The following TEAD3 variants were observed in gnomAD, a reference collection of about 807,000 sequenced individuals.
TEAD3 encodes transcriptional enhancer factor TEF-5.
TEAD3 carries 15 observed loss-of-function variants against 55.6 expected under a neutral mutation model. That is an observed-to-expected ratio of 0.27 (90% CI 0.18 to 0.42). The LOEUF is 0.42. Among genes scored for constraint, TEAD3 ranks in the 10% least tolerant of loss-of-function variants. The pLI, the probability that TEAD3 is intolerant of heterozygous loss-of-function variation, is 1.00. For synonymous variants in TEAD3, 210 were observed against 232.2 expected, an observed-to-expected ratio of 0.90 and a Z score of 0.87; for missense variants, 407 against 576.8, an observed-to-expected ratio of 0.71 and a Z score of 3.01.
chr6:35,489,743 TATAA>T (rs1041823881), intron 1 of TEAD3, among the ~76,000 whole-genome samples: 2 of 151,850 alleles, frequency 1.3e-5, no homozygotes, highest in Admixed American at 6.6e-5. Context: ...ACAAAATAAA[TATAA>T]ATAAATAAAT....
At chr6:35,480,481 G>A (rs1768245649) in intron 3 of TEAD3, 107 bp from the exon 4 acceptor site, 2 of 1,152,086 alleles carry the variant, frequency 1.7e-6, no homozygotes, top group South Asian at 2.7e-5. Context: ...CATCTCTAGG[G>A]AACTACATGT....
intron 1 of TEAD3, among the ~76,000 whole-genome samples, chr6:35,490,059 G>A (rs914822955): frequency 6.6e-6 from 1 of 152,092 alleles, no homozygotes; most frequent in Non-Finnish European, 1.5e-5. Context: ...GCTACAATGA[G>A]CTAAGGCCCC....
At chr6:35,478,348 G>C (rs761735729) in intron 6 of TEAD3, 24 bp from the exon 7 acceptor site, 2 of 1,613,784 alleles carry the variant, frequency 1.2e-6, no homozygotes, top group Admixed American at 1.7e-5. Flanking sequence ...ACAAGGCCCA[G>C]GGGCCCCTCA....
At chr6:35,477,209 C>G in intron 8 of TEAD3, 102 bp downstream of exon 8, 1 of 1,272,102 alleles carries the variant, frequency 7.9e-7, no homozygotes, top group Non-Finnish European at 1.1e-6. Flanking sequence ...CTGTAGATGT[C>G]GCAACCCCCT....
Position 35,488,879 on chromosome 6 carries a change from G to C in TEAD3, c.-49-2168C>G, listed in dbSNP as rs527735916. ...GCCTCCCCCCTCAGCATGGTGGCACGCACCTGTAGCTGGGATTACAGGCGC... is the reference window on the plus strand; with the variant it reads ...GCCTCCCCCCTCAGCATGGTGGCACCCACCTGTAGCTGGGATTACAGGCGC... On this transcript the variant is annotated intron_variant, in intron 1 of 12. Transcript: ENST00000639578. This position sits in a 1 kb window ranked among gnomAD's most constrained non-coding sequence, Gnocchi z 4.2. 6.6e-6 allele frequency among the ~76,000 whole-genome samples: 1 copy of C among 151,902 alleles called. No homozygotes were observed. Among genetic ancestry groups the C allele is most frequent in the African/African-American group, 2.4e-5 (1 of 41,378 alleles).
At position 35,486,626 on chromosome 6, in the gene TEAD3, C is replaced by G. The variant is rs1199407958; in HGVS notation, c.37G>C (p.Gly13Arg). ...TCGGGCCCATCCTCCCGGGCCTCCC[C>G]GGGGCTGCTGCTGGCGTTCCAGCTG... The change falls in exon 2 of 13, where the codon GGG becomes CGG. Residue 13 changes from glycine to arginine, a missense_variant. Coordinates refer to ENST00000639578, the Ensembl canonical transcript of TEAD3. The surrounding 1 kb of genome is among the most constrained non-coding windows in gnomAD (Gnocchi z 7.3). 1 of 1,613,116 alleles carries G rather than the reference C, an allele frequency of 6.2e-7. No homozygotes were observed. The highest frequency in any genetic ancestry group is 8.5e-7 in the Non-Finnish European group (1 of 1,179,748).
At chr6:35,487,339 G>T (rs1768407136) in intron 1 of TEAD3, among the ~76,000 whole-genome samples, 1 of 152,092 alleles carries the variant, frequency 6.6e-6, no homozygotes, top group African/African-American at 2.4e-5. Flanking sequence ...GGATCATGAG[G>T]TCAGGTGTTT....
chr6:35,496,922 C>T lies in TEAD3; in HGVS notation c.-74G>A, dbSNP rs1768683576. 6.6e-6 allele frequency: 1 copy of T among 151,376 alleles called. No individual in the cohort carries two copies. The highest frequency in any genetic ancestry group is 2.0e-4 in the East Asian group (1 of 5,096). The allele number at this position is 151,376 out of a possible 1,614,324, so 9.4% of individuals were successfully genotyped here. A position where few individuals can be genotyped will look rare whatever the true frequency, so the allele number is the denominator to read the frequency against. On this transcript the variant is annotated 5_prime_UTR_variant, in exon 1 of 13. Transcript: ENST00000639578. This position sits in a 1 kb window ranked among gnomAD's most constrained non-coding sequence, Gnocchi z 4.8. ...CCTGGTCCGAGCTCGCGGGGGCGCTCCGGCCGGGCCGCTCCGCCGGGCCCG... is the reference window on the plus strand; with the variant it reads ...CCTGGTCCGAGCTCGCGGGGGCGCTTCGGCCGGGCCGCTCCGCCGGGCCCG...
rs1048908271 is a variant in TEAD3 at position 35,484,103 on chromosome 6, T to C, written c.267+457A>G. Among the ~76,000 whole-genome samples, 7 of 152,070 alleles carry C rather than the reference T, an allele frequency of 4.6e-5. No homozygotes were observed. Among genetic ancestry groups the C allele is most frequent in the Admixed American group, 2.6e-4 (4 of 15,258 alleles). On this transcript the variant is annotated intron_variant, in intron 3 of 12. Coordinates refer to ENST00000639578, the Ensembl canonical transcript of TEAD3. The surrounding 1 kb of genome is among the most constrained non-coding windows in gnomAD (Gnocchi z 5.8). ...TCCAGGGAGCCTTCCCAGCTCTCTC[T>C]CCCCACTCCCCTAGCCTTGTCTGGG...
At chr6:35,487,544 T>C (rs1581727497) in intron 1 of TEAD3, among the ~76,000 whole-genome samples, 2 of 86,370 alleles carry the variant, frequency 2.3e-5, no homozygotes, top group African/African-American at 5.8e-5. Context: ...AGAGCGAGAC[T>C]CCTCAAAAAA....
chr6:35,475,674 C>G lies in TEAD3; in HGVS notation c.933G>C (p.Pro311=). The stretch of plus-strand genomic sequence containing the variant: ...GAGAGCTGACCCCATAGAAGGCTCC[C>G]GGGCCCTCCTGGATGGTGCTGTTGA... The change falls in exon 11 of 13, where the codon CCG becomes CCC. Residue 311 remains proline, a synonymous_variant. Transcript: ENST00000639578. The surrounding 1 kb of genome is among the most constrained non-coding windows in gnomAD (Gnocchi z 5.4). 1 of 1,611,670 alleles carries G rather than the reference C, an allele frequency of 6.2e-7. No individual in the cohort carries two copies. The highest frequency in any genetic ancestry group is 2.2e-5 in the East Asian group (1 of 44,832).
rs1407177790 is a variant in TEAD3, at chr6:35,496,217, C to T, written c.-50+681G>A. Among the ~76,000 whole-genome samples, 1 of 152,222 alleles carries T rather than the reference C, an allele frequency of 6.6e-6. No individual in the cohort carries two copies. The highest frequency in any genetic ancestry group is 2.4e-5 in the African/African-American group (1 of 41,454). On this transcript the variant is annotated intron_variant, in intron 1 of 12. Transcript: ENST00000639578. This position sits in a 1 kb window ranked among gnomAD's most constrained non-coding sequence, Gnocchi z 4.8. ...AGCAAGTGTGGGGAAGAAAAGGCCC[C>T]AAATCCAGACCCCTCCGAGCCAAGC...
exon 9 of TEAD3, chr6:35,476,358 G>A (rs760327925): frequency 1.1e-5 from 17 of 1,612,614 alleles, no homozygotes; most frequent in Admixed American, 1.7e-5. Context: ...AGCCGCAGCC[G>A]GGAGGAGGCA....
intron 1 of TEAD3, among the ~76,000 whole-genome samples, chr6:35,494,444 CACA>C (rs1452353320): frequency 1.3e-5 from 2 of 152,122 alleles, no homozygotes; most frequent in Non-Finnish European, 2.9e-5. Flanking sequence ...CCAGGGCTGG[CACA>C]ACACCAGGAG....
chr6:35,475,550 C>T lies in TEAD3; in HGVS notation c.1041+16G>A, dbSNP rs748982159. On this transcript the variant is annotated intron_variant, in intron 11 of 12. Coordinates refer to ENST00000639578, the Ensembl canonical transcript of TEAD3. The surrounding 1 kb of genome is among the most constrained non-coding windows in gnomAD (Gnocchi z 5.4). ...CTGCTCCCAGCCCCACCAAGCCACCCAGAGCCCCCACTCACCTCCACCTTC... is the reference window on the plus strand; with the variant it reads ...CTGCTCCCAGCCCCACCAAGCCACCTAGAGCCCCCACTCACCTCCACCTTC... 1.9e-6 allele frequency: 3 copies of T among 1,606,314 alleles called. No individual in the cohort carries two copies. The South Asian group carries it at 3.3e-5, about 18-fold the overall frequency.
intron 8 of TEAD3, 101 bp downstream of exon 8, chr6:35,477,210 G>A (rs72894770): frequency 0.013 from 16,231 of 1,286,182 alleles, 148 homozygotes; most frequent in Non-Finnish European, 0.016. Context: ...TGTAGATGTC[G>A]CAACCCCCTC....
At position 35,491,424 on chromosome 6, in the gene TEAD3, A is replaced by G. The variant is rs996165109; in HGVS notation, c.-49-4713T>C. Among the ~76,000 whole-genome samples, 3 of 152,134 alleles carry G rather than the reference A, an allele frequency of 2.0e-5. No homozygotes were observed. ...AGACCAGGAGGGGATGGGGAGAAAG[A>G]AAAAGACAGGGACAAGGACAGAGAC... On this transcript the variant is annotated intron_variant, in intron 1 of 12. Transcript: ENST00000639578. This position sits in a 1 kb window ranked among gnomAD's most constrained non-coding sequence, Gnocchi z 4.4.
At chr6:35,477,229 A>G in intron 8 of TEAD3, 82 bp downstream of exon 8, 2 of 1,493,092 alleles carry the variant, frequency 1.3e-6, no homozygotes, top group Non-Finnish European at 9.2e-7. Context: ...TCCCTCCCAA[A>G]GCAAACACAC....
In TEAD3 at chr6:35,485,743, C is replaced by T. The variant is rs1483229853; in HGVS notation, c.202+718G>A. Among the ~76,000 whole-genome samples the T allele has an allele frequency of 6.6e-6, 1 of 152,170 alleles. No homozygotes were observed. The highest frequency in any genetic ancestry group is 2.4e-5 in the African/African-American group (1 of 41,452). Reference sequence around the variant, plus strand: ...GCTGGGTGGGCGTGGCCAAGGGACACGGAGCGGACCTGATCCCTTCCCACA... The same window carrying T: ...GCTGGGTGGGCGTGGCCAAGGGACATGGAGCGGACCTGATCCCTTCCCACA... On this transcript the variant is annotated intron_variant, in intron 2 of 12. Coordinates refer to ENST00000639578, the Ensembl canonical transcript of TEAD3. This position sits in a 1 kb window ranked among gnomAD's most constrained non-coding sequence, Gnocchi z 4.3.
Sources: gnomAD v4.1 joint callset for allele counts (sites outside exome capture counted in the v4.1 genomes callset) on GRCh38, gnomAD v4.1.1 for gene constraint, Gnocchi (gnomAD v3.1) non-coding constraint, MANE v1.5 for transcripts, NCBI Gene and HGNC (gene_info 2026-07-23, HGNC 2026-07-21) for gene names.